Variants in OPCML observed in about 807,000 individuals in gnomAD.
OPCML encodes the protein opioid-binding protein/cell adhesion molecule.
A neutral mutation model predicts 37.8 loss-of-function variants in OPCML; 13 were observed. The ratio of observed to expected loss-of-function variants is 0.34; its 90% CI spans 0.22 to 0.55. OPCML has a LOEUF of 0.55. Ranked by LOEUF, OPCML falls within the 20% of genes least tolerant of loss-of-function variation. The pLI is 0.91. For missense variants in OPCML, 341 were observed against 435.6 expected, an observed-to-expected ratio of 0.78 and a Z score of 1.93; for synonymous variants, 176 against 168.8, an observed-to-expected ratio of 1.04 and a Z score of -0.33.
At chr11:132,734,618 C>G (rs1945190845) in intron 2 of OPCML, among the ~76,000 whole-genome samples, 1 of 152,164 alleles carries the variant, frequency 6.6e-6, no homozygotes, top group South Asian at 2.1e-4. Flanking sequence ...CTAACTTATT[C>G]TTGAATTTCT....
intron 2 of OPCML, among the ~76,000 whole-genome samples, chr11:132,921,018 C>T (rs1944776972): frequency 6.6e-6 from 1 of 152,190 alleles, no homozygotes; most frequent in Admixed American, 6.5e-5. Context: ...CTGATTCTCC[C>T]TGCAGTCTTC....
chr11:133,174,425 G>C lies in OPCML; in HGVS notation c.62-231415C>G, dbSNP rs1407335831. 6.6e-6 allele frequency among the ~76,000 whole-genome samples: 1 copy of C among 152,022 alleles called. No homozygotes were observed. Among genetic ancestry groups the C allele is most frequent in the Non-Finnish European group, 1.5e-5 (1 of 68,020 alleles). On this transcript the variant is annotated intron_variant, in intron 1 of 7. Coordinates refer to ENST00000524381, the MANE Select transcript of OPCML (RefSeq NM_001012393.5). This position sits in a 1 kb window ranked among gnomAD's most constrained non-coding sequence, Gnocchi z 4.6. ...CAGCTAAACCTTACCTCTGGATATA[G>C]GAGAAGGAATGGTTTTCTCAGACGA...
chr11:133,302,762 C>A (rs1282229235), intron 1 of OPCML: 1 of 152,088 alleles, frequency 6.6e-6, no homozygotes, highest in Non-Finnish European at 1.5e-5. Flanking sequence ...CTCGAGGTAA[C>A]GTGAAAATTT....
Position 132,775,932 on chromosome 11 carries a change from GCTTT to G in OPCML, c.147-118617_147-118614del, listed in dbSNP as rs558174312. ...GTAGAGGCTGTCACATGACCCCAGT[GCTTT>G]CTGTTTCTTTTTTTAGACAGCGTCT... On this transcript the variant is annotated intron_variant, in intron 2 of 7. Coordinates refer to ENST00000524381, the MANE Select transcript of OPCML (RefSeq NM_001012393.5). Among the ~76,000 whole-genome samples the G allele has an allele frequency of 4.6e-5, 7 of 152,256 alleles. No individual in the cohort carries two copies. In the South Asian group the frequency reaches 1.2e-3, roughly 27 times the overall value.
At chr11:132,550,526 A>C (rs2096379173) in intron 3 of OPCML, among the ~76,000 whole-genome samples, 1 of 152,186 alleles carries the variant, frequency 6.6e-6, no homozygotes, top group Admixed American at 6.5e-5. Flanking sequence ...AAGCAATGTC[A>C]ATGCCATACT....
chr11:133,167,318 A>T (rs1184180233), intron 1 of OPCML, among the ~76,000 whole-genome samples: 1 of 152,162 alleles, frequency 6.6e-6, no homozygotes, highest in African/African-American at 2.4e-5. Context: ...ATTTCTGAGA[A>T]ATACAAAATA....
At chr11:133,442,021 T>C (rs2136940877) in intron 1 of OPCML, among the ~76,000 whole-genome samples, 1 of 152,338 alleles carries the variant, frequency 6.6e-6, no homozygotes, top group Admixed American at 6.5e-5. Flanking sequence ...TGCTTGCTAC[T>C]GGCCAGCCAC....
intron 3 of OPCML, among the ~76,000 whole-genome samples, chr11:132,614,874 T>G (rs983434937): frequency 1.3e-5 from 2 of 152,250 alleles, no homozygotes; most frequent in African/African-American, 2.4e-5. Flanking sequence ...TTTTTGTCAC[T>G]GACTGTTTTA....
At chr11:133,330,458 T>G (rs998569226) in intron 1 of OPCML, among the ~76,000 whole-genome samples, 3 of 152,080 alleles carry the variant, frequency 2.0e-5, no homozygotes, top group Admixed American at 2.0e-4. Flanking sequence ...AACGATAGAC[T>G]GGATTAAGAA....
At chr11:133,104,130 A>G (rs1369895250) in intron 1 of OPCML, among the ~76,000 whole-genome samples, 2 of 152,250 alleles carry the variant, frequency 1.3e-5, no homozygotes, top group African/African-American at 4.8e-5. Flanking sequence ...ACAGCTCCAC[A>G]TGTCCACAGG....
At position 132,639,643 on chromosome 11, in the gene OPCML, A is replaced by G. The variant is rs561279979; in HGVS notation, c.379+17444T>C. On this transcript the variant is annotated intron_variant, in intron 3 of 7. Coordinates refer to ENST00000524381, the MANE Select transcript of OPCML (RefSeq NM_001012393.5). ...CGACTAAATGTAAATATATGCAAAT[A>G]TACTGGCAAGTTGGTCTGGCCCTCA... is the stretch of plus-strand genomic sequence containing the variant. Among the ~76,000 whole-genome samples, 78 of 152,364 alleles carry G rather than the reference A, an allele frequency of 5.1e-4. No individual in the cohort carries two copies. The South Asian group carries it at 0.016, about 32-fold the overall frequency.
At chr11:132,631,458 A>T (rs1348036650) in intron 3 of OPCML, among the ~76,000 whole-genome samples, 1 of 149,220 alleles carries the variant, frequency 6.7e-6, no homozygotes, top group Non-Finnish European at 1.5e-5. Context: ...ATATGTATAT[A>T]TATATTTCTT....
intron 2 of OPCML, among the ~76,000 whole-genome samples, chr11:132,771,428 T>G (rs1946631379): frequency 8.5e-5 from 13 of 152,108 alleles, no homozygotes; most frequent in Admixed American, 8.5e-4. Flanking sequence ...GCAGAGGAAA[T>G]GCAGTTAAAT....
rs573894881 is a variant in OPCML at position 133,427,217 on chromosome 11, A to T, written c.61+105047T>A. On this transcript the variant is annotated intron_variant, in intron 1 of 7. Transcript: ENST00000524381. The stretch of plus-strand genomic sequence containing the variant: ...AACCTAATCTACCATATCACAAAAA[A>T]GGCATCAATAAATTCTTAGTAGCAG... Among the ~76,000 whole-genome samples, 4 of 152,308 alleles carry T rather than the reference A, an allele frequency of 2.6e-5. No homozygotes were observed. In the South Asian group the frequency reaches 6.2e-4, roughly 24 times the overall value.
intron 1 of OPCML, chr11:133,005,529 T>C (rs1259563833): frequency 1.0e-6 from 1 of 985,278 alleles, no homozygotes; most frequent in African/African-American, 1.7e-5. Context: ...TTATCTCCTC[T>C]GCATTTCCAT....
chr11:132,858,883 G>T (rs1942176506), intron 2 of OPCML, among the ~76,000 whole-genome samples: 1 of 152,202 alleles, frequency 6.6e-6, no homozygotes, highest in African/African-American at 2.4e-5. Flanking sequence ...TAACGCAGCA[G>T]AAATGCAAAA....
At chr11:133,054,072 C>G (rs1948178879) in intron 1 of OPCML, among the ~76,000 whole-genome samples, 1 of 152,288 alleles carries the variant, frequency 6.6e-6, no homozygotes, top group South Asian at 2.1e-4. Flanking sequence ...CCTGGTCACC[C>G]TTCAGCAGGC....
At chr11:132,508,948 A>G (rs1266271976) in intron 4 of OPCML, among the ~76,000 whole-genome samples, 2 of 152,188 alleles carry the variant, frequency 1.3e-5, no homozygotes, top group Non-Finnish European at 2.9e-5. Flanking sequence ...CAGATGTTGG[A>G]ACAGTTTGGA....
intron 1 of OPCML, among the ~76,000 whole-genome samples, chr11:133,333,865 A>G (rs530672975): frequency 6.6e-6 from 1 of 152,354 alleles, no homozygotes; most frequent in South Asian, 2.1e-4. Context: ...GAAGACATAT[A>G]TGTGTCCAAC....
Sources: allele counts gnomAD v4.1 joint callset (sites outside exome capture counted in the v4.1 genomes callset), GRCh38; gene constraint gnomAD v4.1.1; non-coding constraint Gnocchi (gnomAD v3.1); transcripts MANE v1.5; gene names NCBI Gene and HGNC (gene_info 2026-07-23, HGNC 2026-07-21).